Variants in ZNRF3 observed in about 807,000 individuals in gnomAD.
ZNRF3 encodes E3 ubiquitin-protein ligase ZNRF3.
ZNRF3 carries 23 observed loss-of-function variants against 72.5 expected under a neutral mutation model. The ratio of observed to expected loss-of-function variants is 0.32; its 90% CI spans 0.23 to 0.45. The LOEUF is 0.45. Among genes scored for constraint, ZNRF3 ranks in the 20% least tolerant of loss-of-function variants. ZNRF3 has a pLI of 1.00. For missense variants in ZNRF3, 1,169 were observed against 1,272.1 expected (o/e 0.92, Z 1.23); for synonymous variants, 610 against 545.3 (o/e 1.12, Z -1.65).
chr22:28,933,641 A>G (rs1364846603), intron 1 of ZNRF3, among the ~76,000 whole-genome samples: 1 of 152,070 alleles, frequency 6.6e-6, no homozygotes, highest in Non-Finnish European at 1.5e-5. Context: ...GATTATGTCC[A>G]AAGAAACTCT....
chr22:29,044,904 G>C lies in ZNRF3; in HGVS notation c.744+14G>C, dbSNP rs542890261. 9 of 1,583,902 alleles carry C rather than the reference G, an allele frequency of 5.7e-6. No homozygotes were observed. The African/African-American group carries it at 1.2e-4, about 21-fold the overall frequency. On this transcript the variant is annotated intron_variant, in intron 5 of 8. Transcript: ENST00000544604. ...CGACGCAGTCAGGTAGTGCCTCTGT[G>C]TGTAGCCCGTGAGCAGTAACCCCTC...
intron 1 of ZNRF3, among the ~76,000 whole-genome samples, chr22:28,939,729 A>T (rs2034908041): frequency 6.6e-6 from 1 of 152,160 alleles, no homozygotes; most frequent in African/African-American, 2.4e-5. Flanking sequence ...ATGGAAGCAC[A>T]TTAAATATTA....
At chr22:28,969,260 C>T (rs973286904) in intron 1 of ZNRF3, among the ~76,000 whole-genome samples, 1 of 152,330 alleles carries the variant, frequency 6.6e-6, no homozygotes, top group South Asian at 2.1e-4. Context: ...CAAAGCACAG[C>T]GGGACTGTGG....
intron 1 of ZNRF3, among the ~76,000 whole-genome samples, chr22:28,885,846 A>G (rs1386543437): frequency 6.6e-6 from 1 of 151,954 alleles, no homozygotes; most frequent in Non-Finnish European, 1.5e-5. Context: ...GAGAGATAAT[A>G]TGTGAATTTG....
chr22:28,998,227 A>G (rs1318473136), intron 2 of ZNRF3, among the ~76,000 whole-genome samples: 2 of 152,028 alleles, frequency 1.3e-5, no homozygotes, highest in Admixed American at 1.3e-4. Flanking sequence ...GGAATCAGAG[A>G]GGCAAAGGTT....
At chr22:28,945,185 G>A (rs1377170232) in intron 1 of ZNRF3, among the ~76,000 whole-genome samples, 2 of 149,904 alleles carry the variant, frequency 1.3e-5, no homozygotes, top group African/African-American at 4.9e-5. Context: ...TGTATCTCAA[G>A]ACTTACAGGT....
intron 2 of ZNRF3, among the ~76,000 whole-genome samples, chr22:29,032,035 G>A (rs749438491): frequency 6.6e-6 from 1 of 152,198 alleles, no homozygotes; most frequent in Non-Finnish European, 1.5e-5. Flanking sequence ...GAGCCAAGGC[G>A]CCAGAGCTTC....
At chr22:28,912,426 C>T (rs916332) in intron 1 of ZNRF3, among the ~76,000 whole-genome samples, 20,154 of 152,038 alleles carry the variant, frequency 0.13, 1,952 homozygotes, top group East Asian at 0.43. Context: ...TATCTCTTAT[C>T]TTTTAGCTAT....
intron 2 of ZNRF3, among the ~76,000 whole-genome samples, chr22:29,007,856 A>G (rs553552518): frequency 1.9e-4 from 28 of 148,034 alleles, no homozygotes; most frequent in African/African-American, 7.0e-4. Flanking sequence ...TCCCAGGTTC[A>G]AGCAATTCTC....
chr22:28,990,032 A>G (rs941870010), intron 2 of ZNRF3, among the ~76,000 whole-genome samples: 2 of 152,190 alleles, frequency 1.3e-5, no homozygotes, highest in Non-Finnish European at 2.9e-5. Context: ...CTTCTTTTCC[A>G]TTCTGTGGGA....
At chr22:29,015,783 C>T (rs144015343) in intron 2 of ZNRF3, among the ~76,000 whole-genome samples, 4,394 of 151,842 alleles carry the variant, frequency 0.029, 108 homozygotes, top group African/African-American at 0.068. Flanking sequence ...TTTGGGAGGC[C>T]GAGGCGGGTG....
chr22:28,956,474 T>G (rs1337056130), intron 1 of ZNRF3, among the ~76,000 whole-genome samples: 1 of 152,040 alleles, frequency 6.6e-6, no homozygotes, highest in South Asian at 2.1e-4. Context: ...TTTGTGTGTT[T>G]GTGACTGACA....
At position 29,039,699 on chromosome 22, in the gene ZNRF3, C is replaced by A. The variant is rs570341097; in HGVS notation, c.427-2796C>A. 2.1e-3 allele frequency among the ~76,000 whole-genome samples: 315 copies of A among 148,956 alleles called. 1 individual carries two copies. The highest frequency in any genetic ancestry group is 3.9e-3 in the Non-Finnish European group (264 of 67,758). On this transcript the variant is annotated intron_variant, in intron 2 of 8. Coordinates refer to ENST00000544604, the MANE Select transcript of ZNRF3 (RefSeq NM_001206998.2). ...TGGTGGCTCATGCCTGTGATCTCAG[C>A]ACTTTGGGAGGCCGGAATGGGAGGA...
intron 8 of ZNRF3, among the ~76,000 whole-genome samples, chr22:29,051,897 A>C (rs2037213949): frequency 6.6e-6 from 1 of 151,140 alleles, no homozygotes; most frequent in Non-Finnish European, 1.5e-5. Flanking sequence ...AAAAAAAAAA[A>C]AACCTAGGCC....
intron 1 of ZNRF3, among the ~76,000 whole-genome samples, chr22:28,981,744 C>T (rs1221400460): frequency 6.6e-6 from 1 of 152,156 alleles, no homozygotes; most frequent in Non-Finnish European, 1.5e-5. Flanking sequence ...TGCCTGTAAT[C>T]CCAGCGTTTT....
chr22:28,988,023 T>C (rs1444781943), intron 2 of ZNRF3, among the ~76,000 whole-genome samples: 1 of 152,156 alleles, frequency 6.6e-6, no homozygotes, highest in East Asian at 1.9e-4. Context: ...TTGACTGCAG[T>C]ATAAGATAGA....
intron 1 of ZNRF3, among the ~76,000 whole-genome samples, chr22:28,931,704 A>C (rs1569250292): frequency 6.6e-6 from 1 of 152,202 alleles, no homozygotes; most frequent in Non-Finnish European, 1.5e-5. Flanking sequence ...CAACAATGCA[A>C]GGTACTGGGA....
Position 28,883,651 on chromosome 22 carries a change from G to A in ZNRF3, c.-116G>A. ...CCGAGCTGAGCCTGCGACCCACAAA[G>A]CCGCCGCCGCCGCCGCCGTGATGGG... On this transcript the variant is annotated 5_prime_UTR_variant, in exon 1 of 9. Transcript: ENST00000544604. The surrounding 1 kb of genome is among the most constrained non-coding windows in gnomAD (Gnocchi z 5.5). The A allele has an allele frequency of 1.1e-6, 1 of 878,142 alleles. No individual in the cohort carries two copies. Among genetic ancestry groups the A allele is most frequent in the African/African-American group, 1.8e-5 (1 of 54,958 alleles). The allele number at this position is 878,142 out of a possible 1,614,324, so 54.4% of individuals were successfully genotyped here. A position where few individuals can be genotyped will look rare whatever the true frequency, so the allele number is the denominator to read the frequency against.
chr22:28,947,155 A>G (rs1422432179), intron 1 of ZNRF3, among the ~76,000 whole-genome samples: 1 of 152,206 alleles, frequency 6.6e-6, no homozygotes, highest in African/African-American at 2.4e-5. Flanking sequence ...ACATATGGGA[A>G]TGCACAGGTA....
Sources: gnomAD v4.1 joint callset for allele counts (sites outside exome capture counted in the v4.1 genomes callset) on GRCh38, gnomAD v4.1.1 for gene constraint, Gnocchi (gnomAD v3.1) non-coding constraint, MANE v1.5 for transcripts, NCBI Gene and HGNC (gene_info 2026-07-23, HGNC 2026-07-21) for gene names.